The following HOOK3 variants were observed in gnomAD, a reference collection of about 807,000 sequenced individuals.
HOOK3 encodes the protein protein Hook homolog 3.
A neutral mutation model predicts 116.3 loss-of-function variants in HOOK3; 24 were observed. The ratio of observed to expected loss-of-function variants is 0.21; its 90% CI spans 0.15 to 0.29. The LOEUF is 0.29. HOOK3 is among the 10% of genes least tolerant of loss of function. The pLI, the probability that HOOK3 is intolerant of heterozygous loss-of-function variation, is 1.00. For synonymous variants in HOOK3, 275 were observed against 283.0 expected (o/e 0.97, Z 0.28); for missense variants, 632 against 830.2 (o/e 0.76, Z 2.93).
At chr8:42,929,282 C>G (rs532692776) in intron 3 of HOOK3, among the ~76,000 whole-genome samples, 10 of 152,186 alleles carry the variant, frequency 6.6e-5, no homozygotes, top group Admixed American at 6.5e-4. Flanking sequence ...GATAAATAAG[C>G]AAGTTTTCAG....
At chr8:42,960,546 A>G (rs1453366204) in intron 8 of HOOK3, among the ~76,000 whole-genome samples, 1 of 152,228 alleles carries the variant, frequency 6.6e-6, no homozygotes, top group African/African-American at 2.4e-5. Flanking sequence ...TGCCAATGAT[A>G]GAGTTTGAGA....
Position 42,904,306 on chromosome 8 carries a change from C to CTTT in HOOK3, c.58-1848_58-1846dup, listed in dbSNP as rs753501072. ...TCCTTCATACTGCAGCCGGTATGATCTTTTTTTTTTTTTTTTTTTTTGAGA... is the reference window on the plus strand; with the variant it reads ...TCCTTCATACTGCAGCCGGTATGATCTTTTTTTTTTTTTTTTTTTTTTTTGAGA... On this transcript the variant is annotated intron_variant, in intron 1 of 21. Coordinates refer to ENST00000307602, the MANE Select transcript of HOOK3 (RefSeq NM_032410.4). 7.4e-4 allele frequency among the ~76,000 whole-genome samples: 90 copies of CTTT among 122,422 alleles called. 2 individuals are homozygous for CTTT. The highest frequency in any genetic ancestry group is 4.8e-3 in the Middle Eastern group (1 of 208). The allele number at this position is 122,422 out of a possible 152,430, so 80.3% of individuals were successfully genotyped here.
At chr8:42,900,157 TATC>T (rs1434061578) in intron 1 of HOOK3, among the ~76,000 whole-genome samples, 11 of 152,272 alleles carry the variant, frequency 7.2e-5, no homozygotes, top group African/African-American at 2.6e-4. Context: ...AAGAGTTAAG[TATC>T]ATCTTACCAA....
At position 43,018,602 on chromosome 8, in the gene HOOK3, C is replaced by A; in HGVS notation, c.*104C>A. The A allele has an allele frequency of 8.7e-7, 1 of 1,148,912 alleles. No homozygotes were observed. The highest frequency in any genetic ancestry group is 1.2e-6 in the Non-Finnish European group (1 of 843,366). The allele number at this position is 1,148,912 out of a possible 1,614,324, so 71.2% of individuals were successfully genotyped here. On this transcript the variant is annotated 3_prime_UTR_variant, in exon 22 of 22. Coordinates refer to ENST00000307602, the MANE Select transcript of HOOK3 (RefSeq NM_032410.4). ...AGCCAGCTTATTTTTTGTTTCTCTT[C>A]TATGTCAATACTTAGTGTTTCTCAT...
intron 6 of HOOK3, among the ~76,000 whole-genome samples, chr8:42,956,671 G>A (rs1267369458): frequency 1.3e-5 from 2 of 152,000 alleles, no homozygotes; most frequent in African/African-American, 4.8e-5. Flanking sequence ...TGCAACCTCC[G>A]CCTCCCAGGT....
intron 6 of HOOK3, 38 bp downstream of exon 6, chr8:42,950,493 T>C (rs750988950): frequency 1.5e-6 from 2 of 1,364,348 alleles, no homozygotes; most frequent in Admixed American, 3.4e-5. Flanking sequence ...TATGAAAAAT[T>C]AAAGGAGTAA....
At chr8:42,908,842 C>T (rs1807365561) in intron 2 of HOOK3, among the ~76,000 whole-genome samples, 1 of 151,958 alleles carries the variant, frequency 6.6e-6, no homozygotes, top group African/African-American at 2.4e-5. Flanking sequence ...TTTTGCATGA[C>T]AAAGGAAACA....
In HOOK3 at chr8:43,013,136, G is replaced by A. The variant is rs139080892; in HGVS notation, c.1925G>A (p.Arg642Gln). The A allele has an allele frequency of 2.2e-5, 35 of 1,608,186 alleles. No individual in the cohort carries two copies. The highest frequency in any genetic ancestry group is 6.7e-5 in the African/African-American group (5 of 74,748). Residue 642 changes from arginine (R) to glutamine (Q), a missense_variant, in exon 20 of 22, where the codon CGA (arginine) becomes CAA (glutamine). By Grantham distance (43) the Arg-to-Gln change is conservative (BLOSUM62 1). Transcript: ENST00000307602. ...ALKNQLQERD[R>Q]LFHSLEKEYE... ...AAAAATCAGCTCCAGGAACGAGACCGACTGTTCCACTCATTAGAGGTAGTT... is the reference window on the plus strand; with the variant it reads ...AAAAATCAGCTCCAGGAACGAGACCAACTGTTCCACTCATTAGAGGTAGTT...
At chr8:42,911,146 G>A (rs1807420073) in intron 2 of HOOK3, among the ~76,000 whole-genome samples, 3 of 152,202 alleles carry the variant, frequency 2.0e-5, no homozygotes. Context: ...GCAGAGCTGT[G>A]TCTTTATTCT....
chr8:43,013,497 T>G, intron 21 of HOOK3, 97 bp downstream of exon 21: 2 of 1,015,730 alleles, frequency 2.0e-6, no homozygotes, highest in Non-Finnish European at 2.8e-6. Context: ...ACCAAATGAA[T>G]CTGAAAGTAA....
At chr8:42,934,593 C>T (rs1477055188) in intron 4 of HOOK3, among the ~76,000 whole-genome samples, 1 of 151,844 alleles carries the variant, frequency 6.6e-6, no homozygotes, top group Non-Finnish European at 1.5e-5. Context: ...CTCCGTGTGT[C>T]CATGTGTTCT....
At chr8:42,964,046 AAAC>A (rs1808583948) in intron 8 of HOOK3, among the ~76,000 whole-genome samples, 1 of 152,184 alleles carries the variant, frequency 6.6e-6, no homozygotes, top group Admixed American at 6.5e-5. Flanking sequence ...TCTCTACTAA[AAAC>A]AGAAAAAATT....
chr8:42,899,845 C>T (rs1241586120), intron 1 of HOOK3, among the ~76,000 whole-genome samples: 3 of 152,178 alleles, frequency 2.0e-5, no homozygotes, highest in Non-Finnish European at 2.9e-5. Context: ...CTTCTAGAGC[C>T]TCCCTGTTCA....
chr8:42,901,806 G>A (rs1345917876), intron 1 of HOOK3, among the ~76,000 whole-genome samples: 1 of 152,104 alleles, frequency 6.6e-6, no homozygotes, highest in African/African-American at 2.4e-5. Context: ...CCACCTCCTG[G>A]GTTCAAGCAA....
chr8:42,999,364 C>G (rs957780775), intron 16 of HOOK3, among the ~76,000 whole-genome samples: 5 of 152,204 alleles, frequency 3.3e-5, no homozygotes, highest in African/African-American at 1.2e-4. Flanking sequence ...TTGCTGTAAA[C>G]TAAGCAGAAC....
At chr8:42,956,253 T>A (rs1296742774) in intron 6 of HOOK3, among the ~76,000 whole-genome samples, 1 of 151,716 alleles carries the variant, frequency 6.6e-6, no homozygotes, top group East Asian at 1.9e-4. Context: ...TGTGTGTGTG[T>A]GTGTGTGTGT....
intron 5 of HOOK3, among the ~76,000 whole-genome samples, chr8:42,947,763 G>T (rs988847675): frequency 1.4e-4 from 22 of 152,148 alleles, no homozygotes. Flanking sequence ...TACCTGACTC[G>T]CTTGGGATGA....
At chr8:42,940,706 TG>T (rs1808097528) in intron 4 of HOOK3, among the ~76,000 whole-genome samples, 1 of 152,192 alleles carries the variant, frequency 6.6e-6, no homozygotes, top group Non-Finnish European at 1.5e-5. Context: ...TCAACCTTGG[TG>T]AATCTGACGA....
intron 13 of HOOK3, among the ~76,000 whole-genome samples, chr8:42,981,845 C>G (rs188213539): frequency 1.4e-5 from 2 of 141,502 alleles, no homozygotes; most frequent in East Asian, 4.2e-4. Context: ...GATCATACCA[C>G]TACACTCCAG....
Sources: allele counts gnomAD v4.1 joint callset (sites outside exome capture counted in the v4.1 genomes callset), GRCh38; gene constraint gnomAD v4.1.1; transcripts MANE v1.5; gene names NCBI Gene and HGNC (gene_info 2026-07-23, HGNC 2026-07-21).